Variants in ITPRID1 observed in about 807,000 individuals in gnomAD.
ITPRID1 encodes protein ITPRID1.
In ITPRID1, 96 loss-of-function variants were observed where a neutral mutation model predicts 95.4. That is an observed-to-expected ratio of 1.01 (90% CI 0.85 to 1.19). The LOEUF (loss-of-function observed/expected upper bound fraction) is 1.19. ITPRID1 is among the 50% of genes most tolerant of loss of function. ITPRID1 has a pLI of 0.00. For synonymous variants in ITPRID1, 510 were observed against 453.6 expected (o/e 1.12, Z -1.58); for missense variants, 1,339 against 1,252.9 (o/e 1.07, Z -1.04).
downstream of ITPRID1, chr7:31,658,486 G>A: frequency 8.7e-7 from 1 of 1,143,748 alleles, no homozygotes; most frequent in Non-Finnish European, 1.1e-6. Context: ...GTATCAAAGT[G>A]GTGCCCCTTT....
chr7:31,595,966 ATACTAG>A (rs1786072207), intron 10 of ITPRID1, among the ~76,000 whole-genome samples: 1 of 151,958 alleles, frequency 6.6e-6, no homozygotes, highest in Admixed American at 6.6e-5. Flanking sequence ...TTATAAAGGA[ATACTAG>A]TACAACTAAT....
At chr7:31,642,593 A>T in intron 11 of ITPRID1, 89 bp from the exon 12 acceptor site, 1 of 1,195,430 alleles carries the variant, frequency 8.4e-7, no homozygotes, top group Non-Finnish European at 1.2e-6. Flanking sequence ...CCTGACTCCT[A>T]AGGCAATGAC....
intron 9 of ITPRID1, among the ~76,000 whole-genome samples, chr7:31,579,287 A>T (rs142337612): frequency 3.7e-4 from 56 of 152,242 alleles, no homozygotes; most frequent in African/African-American, 1.3e-3. Flanking sequence ...TATTTAGTAT[A>T]ATTACAGATA....
chr7:31,621,924 T>C (rs896308007), intron 10 of ITPRID1, among the ~76,000 whole-genome samples: 4 of 150,464 alleles, frequency 2.7e-5, no homozygotes, highest in South Asian at 2.1e-4. Flanking sequence ...ACCAAGCCAA[T>C]GGAAAACAAA....
At chr7:31,559,386 C>G (rs753504760) in intron 5 of ITPRID1, among the ~76,000 whole-genome samples, 8 of 152,168 alleles carry the variant, frequency 5.3e-5, no homozygotes, top group African/African-American at 1.9e-4. Flanking sequence ...CATGGCCAGA[C>G]ACAGTTGCCC....
intron 10 of ITPRID1, among the ~76,000 whole-genome samples, chr7:31,615,975 CCTCCTGAT>C (rs1311199640): frequency 1.3e-5 from 2 of 152,006 alleles, no homozygotes; most frequent in African/African-American, 4.8e-5. Flanking sequence ...GCTCTCCTGA[CCTCCTGAT>C]CTGCCCGCCT....
chr7:31,576,848 G>A (rs1297909129), intron 8 of ITPRID1, among the ~76,000 whole-genome samples: 1 of 152,016 alleles, frequency 6.6e-6, no homozygotes, highest in African/African-American at 2.4e-5. Flanking sequence ...AGAGGAGGCT[G>A]GGTAATAAAA....
At position 31,656,497 on chromosome 7, in the gene ITPRID1, A is replaced by G; in HGVS notation, c.*3668A>G. 2.0e-6 allele frequency: 2 copies of G among 980,846 alleles called. No homozygotes were observed. Among genetic ancestry groups the G allele is most frequent in the African/African-American group, 3.5e-5 (2 of 56,406 alleles). 60.8% of individuals were successfully genotyped at this position (980,846 alleles called of 1,614,324 possible). On this transcript the variant is annotated 3_prime_UTR_variant, in exon 15 of 15. Coordinates refer to ENST00000615280, the MANE Select transcript of ITPRID1 (RefSeq NM_001257967.3). The stretch of plus-strand genomic sequence containing the variant: ...ACATACCAAGAACTCAATAAATGCT[A>G]ACTGTAATTACTGTCTTCCTTCTGT...
At chr7:31,627,659 CAAAA>C (rs3078462) in intron 10 of ITPRID1, among the ~76,000 whole-genome samples, 1,456 of 75,554 alleles carry the variant, frequency 0.019, 14 homozygotes, top group African/African-American at 0.065. Context: ...GACACTGTCT[CAAAA>C]AAAAAAAAAA....
At chr7:31,610,637 T>C (rs1174321583) in intron 10 of ITPRID1, among the ~76,000 whole-genome samples, 3 of 151,662 alleles carry the variant, frequency 2.0e-5, no homozygotes, top group Non-Finnish European at 4.4e-5. Flanking sequence ...CAGGTCTACA[T>C]GTGTTTTTAA....
At chr7:31,600,239 A>T (rs1786335356) in intron 10 of ITPRID1, among the ~76,000 whole-genome samples, 1 of 152,174 alleles carries the variant, frequency 6.6e-6, no homozygotes, top group Admixed American at 6.5e-5. Flanking sequence ...GTTGGCAAGG[A>T]AGCACATTGC....
At chr7:31,622,778 A>G (rs1174707651) in intron 10 of ITPRID1, among the ~76,000 whole-genome samples, 1 of 152,146 alleles carries the variant, frequency 6.6e-6, no homozygotes, top group Non-Finnish European at 1.5e-5. Context: ...TGAAGGAAAT[A>G]GAGACACAAA....
chr7:31,533,108 A>C (rs1355056164), intron 1 of ITPRID1, among the ~76,000 whole-genome samples: 1 of 152,150 alleles, frequency 6.6e-6, no homozygotes, highest in African/African-American at 2.4e-5. Context: ...AATGGTTGGT[A>C]AAATTCTTCA....
In ITPRID1 at chr7:31,643,764, C is replaced by A. The variant is rs779851488; in HGVS notation, c.2394C>A (p.Cys798Ter). 14 of 1,613,918 alleles carry A rather than the reference C, an allele frequency of 8.7e-6. No individual in the cohort carries two copies. Among genetic ancestry groups the A allele is most frequent in the Non-Finnish European group, 1.0e-5 (12 of 1,179,902 alleles). Residue 798 changes from cysteine to a stop codon, truncating the protein, a stop_gained, in exon 12 of 15, where the codon TGC becomes TGA. Coordinates refer to ENST00000615280, the MANE Select transcript of ITPRID1 (RefSeq NM_001257967.3). LOFTEE classifies it high-confidence loss of function. ...CTAGTATCTGCCCAATGGGCACCTG[C>A]CATGCTATACCTGCCCACTGCTGCA... The part of the protein sequence containing the change: ...GFSSICPMGT[C>*]HAIPAHCCIC...
At chr7:31,651,832 CTCTTT>C (rs1790986072) in intron 13 of ITPRID1, 102 bp from the exon 14 acceptor site, 1 of 656,426 alleles carries the variant, frequency 1.5e-6, no homozygotes, top group African/African-American at 1.9e-5. Flanking sequence ...AGATGACATT[CTCTTT>C]TAAGAAATTG....
At chr7:31,618,840 A>ATAAG (rs1562615672) in intron 10 of ITPRID1, among the ~76,000 whole-genome samples, 1 of 152,216 alleles carries the variant, frequency 6.6e-6, no homozygotes, top group Admixed American at 6.5e-5. Context: ...TGCCGCAAAT[A>ATAAG]TAAGTTGTGA....
intron 10 of ITPRID1, among the ~76,000 whole-genome samples, chr7:31,604,997 G>C (rs1786552853): frequency 6.6e-6 from 1 of 152,062 alleles, no homozygotes; most frequent in African/African-American, 2.4e-5. Context: ...AATTAGCCGG[G>C]GGTGGTGGCA....
chr7:31,530,176 G>T (rs1238258357), intron 1 of ITPRID1, among the ~76,000 whole-genome samples: 1 of 152,128 alleles, frequency 6.6e-6, no homozygotes, highest in Non-Finnish European at 1.5e-5. Flanking sequence ...ACTAGTTCAA[G>T]CAATGTTTCT....
chr7:31,629,302 T>C (rs914168387), intron 10 of ITPRID1, among the ~76,000 whole-genome samples: 2 of 152,202 alleles, frequency 1.3e-5, no homozygotes, highest in African/African-American at 4.8e-5. Flanking sequence ...TATAGATTCA[T>C]ATAAATGTTC....
Sources: gnomAD v4.1 joint callset for allele counts (sites outside exome capture counted in the v4.1 genomes callset) on GRCh38, gnomAD v4.1.1 for gene constraint, MANE v1.5 for transcripts, NCBI Gene and HGNC (gene_info 2026-07-23, HGNC 2026-07-21) for gene names.